The following NIPA1 variants were observed in gnomAD, a reference collection of about 807,000 sequenced individuals.
NIPA1 encodes the protein NIPA magnesium transporter 1, also known as magnesium transporter NIPA1.
In NIPA1, 13 loss-of-function variants were observed where a neutral mutation model predicts 23.9. The ratio of observed to expected loss-of-function variants is 0.54; its 90% confidence interval spans 0.35 to 0.87. The LOEUF (loss-of-function observed/expected upper bound fraction) is 0.87, where lower values mean the gene tolerates loss of function less well. NIPA1 is among the 40% of genes least tolerant of loss of function. The probability of loss-of-function intolerance (pLI) is 0.01; values close to 1 mark genes in which losing one functional copy is unlikely to be tolerated. For missense variants in NIPA1, 362 were observed against 429.7 expected (o/e 0.84, Z 1.39); for synonymous variants, 234 against 202.9 (o/e 1.15, Z -1.30).
intron 1 of NIPA1, among the ~76,000 whole-genome samples, chr15:22,807,848 A>G (rs139309034): frequency 0.073 from 10,620 of 145,824 alleles, 819 homozygotes; most frequent in African/African-American, 0.21. Context: ...CAGTGGCACA[A>G]TCTCGGCTTA....
upstream of NIPA1, among the ~76,000 whole-genome samples, chr15:22,786,446 C>A (rs1269676028): frequency 1.3e-5 from 2 of 152,000 alleles, no homozygotes; most frequent in African/African-American, 4.8e-5. Context: ...AGCGCCTCAC[C>A]GGCCCCTCAC....
chr15:22,823,577 C>T, intron 4 of NIPA1, 151 bp from the exon 5 acceptor site: 1 of 726,758 alleles, frequency 1.4e-6, no homozygotes, highest in South Asian at 1.6e-5. Flanking sequence ...CTGGTAAATT[C>T]AAGCCAGAGC....
intron 2 of NIPA1, 57 bp from the exon 3 acceptor site, chr15:22,812,106 C>A: frequency 8.0e-7 from 1 of 1,248,956 alleles, no homozygotes; most frequent in Non-Finnish European, 1.2e-6. Context: ...CAACTGTGAT[C>A]AGTGCTGGAA....
In NIPA1 at chr15:22,823,810, C is replaced by T. The variant is rs1211880901; in HGVS notation, c.561C>T (p.Asn187=). Residue 187 remains asparagine, a synonymous_variant, in exon 5 of 5, where the codon AAC becomes AAT. Transcript: ENST00000337435. Reference sequence around the variant, plus strand: ...TCGCGCCGGCCCATGGGCCCACCAACATCATGGTCTACATCAGCATCTGCT... The same window carrying T: ...TCGCGCCGGCCCATGGGCCCACCAATATCATGGTCTACATCAGCATCTGCT... ...FWIAPAHGPT[N]IMVYISICSL... 6.2e-6 allele frequency: 10 copies of T among 1,614,096 alleles called. No homozygotes were observed. The highest frequency in any genetic ancestry group is 1.3e-5 in the African/African-American group (1 of 75,056).
rs61174589 is a variant in NIPA1 at position 22,799,943 on chromosome 15, CAAAAAAAAAAA to C, written c.179-10788_179-10778del. Among the ~76,000 whole-genome samples, 110 of 47,034 alleles carry C rather than the reference CAAAAAAAAAAA, an allele frequency of 2.3e-3. 1 individual carries two copies. The highest frequency in any genetic ancestry group is 7.0e-3 in the African/African-American group (87 of 12,492). 30.9% of individuals were successfully genotyped at this position (47,034 alleles called of 152,430 possible). On this transcript the variant is annotated intron_variant, in intron 1 of 4. Coordinates refer to ENST00000337435, the MANE Select transcript of NIPA1 (RefSeq NM_144599.5). ...TGGGAGACAGAATGAGACCCTGTCT[CAAAAAAAAAAA>C]AAAAAAAAAAAAAAAAAGGGAAAGA...
intron 1 of NIPA1, among the ~76,000 whole-genome samples, chr15:22,798,982 A>G (rs1370847291): frequency 2.0e-5 from 3 of 151,980 alleles, no homozygotes; most frequent in Non-Finnish European, 2.9e-5. Context: ...GTGGGTGGCA[A>G]TGTAAATTAG....
intron 1 of NIPA1, among the ~76,000 whole-genome samples, chr15:22,791,428 G>C (rs1894822912): frequency 1.3e-5 from 2 of 149,700 alleles, no homozygotes; most frequent in Non-Finnish European, 3.0e-5. Flanking sequence ...TCAAGTTCTG[G>C]TGACAGTCCT....
At chr15:22,803,206 C>T (rs532938799) in intron 1 of NIPA1, among the ~76,000 whole-genome samples, 27 of 152,176 alleles carry the variant, frequency 1.8e-4, no homozygotes, top group African/African-American at 6.5e-4. Context: ...ATCCACTCAC[C>T]TCGGCCTCCC....
intron 4 of NIPA1, among the ~76,000 whole-genome samples, chr15:22,821,775 C>G (rs890122332): frequency 2.6e-5 from 4 of 152,218 alleles, no homozygotes; most frequent in Non-Finnish European, 4.4e-5. Context: ...CATGTCCACA[C>G]TTGCTGGTTT....
At position 22,827,434 on chromosome 15, in the gene NIPA1, A is replaced by C. The variant is rs1469485728; in HGVS notation, c.*3195A>C. On this transcript the variant is annotated 3_prime_UTR_variant, in exon 5 of 5. Coordinates refer to ENST00000337435, the MANE Select transcript of NIPA1 (RefSeq NM_144599.5). ...GGGAAGTCCTTCCAGTGCCACATGG[A>C]GTGAGGCCCTGCCCATGCTGGGGAC... The C allele has an allele frequency of 6.6e-6, 1 of 152,200 alleles. No individual in the cohort carries two copies. Among genetic ancestry groups the C allele is most frequent in the African/African-American group, 2.4e-5 (1 of 41,424 alleles). The allele number at this position is 152,200 out of a possible 1,614,324, so 9.4% of individuals were successfully genotyped here. A position where few individuals can be genotyped will look rare whatever the true frequency, so the allele number is the denominator to read the frequency against.
chr15:22,811,646 TG>T (rs1378700315), intron 2 of NIPA1, among the ~76,000 whole-genome samples: 1 of 152,206 alleles, frequency 6.6e-6, no homozygotes, highest in African/African-American at 2.4e-5. Context: ...TTGTCACATT[TG>T]TCTTTTAATA....
Position 22,823,872 on chromosome 15 carries a change from G to C in NIPA1, c.623G>C (p.Gly208Ala). The C allele has an allele frequency of 6.2e-7, 1 of 1,614,162 alleles. No homozygotes were observed. Among genetic ancestry groups the C allele is most frequent in the Non-Finnish European group, 8.5e-7 (1 of 1,179,998 alleles). ...LGSFTVPSTK[G>A]IGLAAQDILH... ...AGTTTCACCGTGCCTTCCACCAAGGGCATCGGGCTGGCGGCCCAAGACATC... is the reference window on the plus strand; with the variant it reads ...AGTTTCACCGTGCCTTCCACCAAGGCCATCGGGCTGGCGGCCCAAGACATC... Residue 208 changes from glycine (G) to alanine (A), a missense_variant, in exon 5 of 5, where the codon GGC (glycine) becomes GCC (alanine). This residue lies in a region of NIPA1 where 277 missense variants were observed against 372.0 expected (regional missense o/e 0.74). Transcript: ENST00000337435.
chr15:22,799,971 A>AAAG (rs1895039101), intron 1 of NIPA1, among the ~76,000 whole-genome samples: 5 of 113,278 alleles, frequency 4.4e-5, no homozygotes, highest in African/African-American at 1.6e-4. Flanking sequence ...AAAAAAAAAA[A>AAAG]GGGAAAGAAA....
chr15:22,816,485 C>CTTTTTTTTTTTTTT (rs1566786330), intron 3 of NIPA1, among the ~76,000 whole-genome samples: 1 of 52,678 alleles, frequency 1.9e-5, no homozygotes, highest in African/African-American at 5.7e-5. Flanking sequence ...CCGCACCCAG[C>CTTTTTTTTTTTTTT]CTTTTTTTTT....
intron 1 of NIPA1, among the ~76,000 whole-genome samples, chr15:22,800,223 G>T (rs1366591720): frequency 5.9e-5 from 9 of 151,950 alleles, no homozygotes; most frequent in Non-Finnish European, 1.2e-4. Context: ...ATACCCCAGT[G>T]CCAACCCCAC....
At chr15:22,813,443 G>A (rs1052335703) in intron 3 of NIPA1, among the ~76,000 whole-genome samples, 2 of 152,120 alleles carry the variant, frequency 1.3e-5, no homozygotes, top group Non-Finnish European at 2.9e-5. Flanking sequence ...AAACATTGCA[G>A]CTGGACTCTC....
intron 1 of NIPA1, among the ~76,000 whole-genome samples, chr15:22,803,387 A>G (rs1274286832): frequency 6.6e-6 from 1 of 151,784 alleles, no homozygotes; most frequent in Non-Finnish European, 1.5e-5. Context: ...TCACACATAT[A>G]TACGCATATA....
chr15:22,809,877 TA>T (rs905074536), intron 1 of NIPA1, among the ~76,000 whole-genome samples: 3 of 150,572 alleles, frequency 2.0e-5, no homozygotes, highest in East Asian at 1.9e-4. Context: ...TCGTCTCTAC[TA>T]AAAAAAAATA....
rs114020891 is a variant in NIPA1 at position 22,809,652 on chromosome 15, G to A, written c.179-1097G>A. On this transcript the variant is annotated intron_variant, in intron 1 of 4. Coordinates refer to ENST00000337435, the MANE Select transcript of NIPA1 (RefSeq NM_144599.5). ...CTCAGCTACTCGGGAGGCTGAGACG[G>A]GAGAATTGTTTGAACCCGGAAAGTG... Among the ~76,000 whole-genome samples the A allele has an allele frequency of 7.9e-3, 1,207 of 152,024 alleles. 14 individuals are homozygous for A. Among genetic ancestry groups the A allele is most frequent in the African/African-American group, 0.028 (1,158 of 41,464 alleles).
Sources: allele counts gnomAD v4.1 joint callset (sites outside exome capture counted in the v4.1 genomes callset), GRCh38; gene constraint gnomAD v4.1.1; regional missense constraint gnomAD v4.1.1; transcripts MANE v1.5; gene names NCBI Gene and HGNC (gene_info 2026-07-23, HGNC 2026-07-21).